The following SAMD12 variants were observed in gnomAD, a reference collection of about 807,000 sequenced individuals.
The protein encoded by SAMD12 is sterile alpha motif domain containing 12.
Under a neutral mutation model 15.0 loss-of-function variants are expected in SAMD12, and 9 were observed. That is an observed-to-expected ratio of 0.60 (90% CI 0.36 to 1.05). SAMD12 has a LOEUF of 1.05. Ranked by LOEUF, SAMD12 falls within the 50% of genes least tolerant of loss-of-function variation. The probability of loss-of-function intolerance (pLI) is 0.01; values close to 1 mark genes in which losing one functional copy is unlikely to be tolerated. For missense variants in SAMD12, 230 were observed against 234.2 expected (o/e 0.98, Z 0.12); for synonymous variants, 86 against 90.1 (o/e 0.96, Z 0.25).
chr8:118,513,249 T>C (rs888591138), intron 2 of SAMD12, among the ~76,000 whole-genome samples: 5 of 152,130 alleles, frequency 3.3e-5, no homozygotes, highest in African/African-American at 1.2e-4. Context: ...CTAAAAGAGA[T>C]TTGAGAAATT....
intron 2 of SAMD12, among the ~76,000 whole-genome samples, chr8:118,572,803 C>T (rs1827052635): frequency 6.6e-6 from 1 of 151,912 alleles, no homozygotes; most frequent in South Asian, 2.1e-4. Flanking sequence ...ACTAATACAC[C>T]AGGTGATATG....
chr8:118,615,716 GT>G (rs1397854745), intron 1 of SAMD12, among the ~76,000 whole-genome samples: 4 of 152,264 alleles, frequency 2.6e-5, no homozygotes, highest in Middle Eastern at 6.8e-3. Flanking sequence ...ACCAGCAAAG[GT>G]TTCCCAGTTT....
At chr8:118,472,238 G>C (rs986572049) in intron 2 of SAMD12, among the ~76,000 whole-genome samples, 4 of 151,302 alleles carry the variant, frequency 2.6e-5, no homozygotes, top group Admixed American at 2.0e-4. Context: ...AGTGAGCCGA[G>C]ATTGTGCCAC....
At chr8:118,266,104 G>A (rs1813192840) in intron 4 of SAMD12, among the ~76,000 whole-genome samples, 1 of 152,106 alleles carries the variant, frequency 6.6e-6, no homozygotes, top group African/African-American at 2.4e-5. Context: ...AGGCAAGACA[G>A]AGTGGTGAGT....
chr8:118,307,292 G>T (rs1815399610), intron 4 of SAMD12, among the ~76,000 whole-genome samples: 1 of 152,230 alleles, frequency 6.6e-6, no homozygotes, highest in African/African-American at 2.4e-5. Context: ...GTTGTTGTGT[G>T]TGAAAATCAT....
At chr8:118,252,121 T>C (rs2130019045) in intron 4 of SAMD12, among the ~76,000 whole-genome samples, 1 of 152,316 alleles carries the variant, frequency 6.6e-6, no homozygotes, top group South Asian at 2.1e-4. Context: ...ATAAGATTTG[T>C]CCTTCTAGAA....
chr8:118,548,419 ACACACC>A (rs1826199217), intron 2 of SAMD12, among the ~76,000 whole-genome samples: 1 of 117,664 alleles, frequency 8.5e-6, no homozygotes, highest in African/African-American at 3.3e-5. Context: ...ACACACACAC[ACACACC>A]CCATGTGATG....
At chr8:118,483,278 C>G (rs1460988292) in intron 2 of SAMD12, among the ~76,000 whole-genome samples, 7 of 152,196 alleles carry the variant, frequency 4.6e-5, no homozygotes, top group Admixed American at 3.9e-4. Flanking sequence ...TAATTCACTA[C>G]ACTTGACATT....
chr8:118,549,959 G>C (rs532251299), intron 2 of SAMD12, among the ~76,000 whole-genome samples: 97 of 152,028 alleles, frequency 6.4e-4, no homozygotes, highest in Middle Eastern at 3.4e-3. Flanking sequence ...GAAATGAAGC[G>C]AGAAGGGAAG....
chr8:118,226,493 T>C (rs1812191041), intron 4 of SAMD12, among the ~76,000 whole-genome samples: 1 of 152,216 alleles, frequency 6.6e-6, no homozygotes, highest in South Asian at 2.1e-4. Context: ...CGTATATTTC[T>C]TTAACACTCA....
chr8:118,466,378 A>G (rs1009819990), intron 2 of SAMD12, among the ~76,000 whole-genome samples: 3 of 152,202 alleles, frequency 2.0e-5, no homozygotes, highest in African/African-American at 7.2e-5. Context: ...CCACAACTCT[A>G]TGAAATAAAT....
intron 2 of SAMD12, among the ~76,000 whole-genome samples, chr8:118,553,822 A>C (rs1425358604): frequency 1.3e-5 from 2 of 149,080 alleles, no homozygotes; most frequent in African/African-American, 5.0e-5. Flanking sequence ...CAATGAACTC[A>C]AACAAATTTA....
chr8:118,569,861 A>G (rs181924335), intron 2 of SAMD12, among the ~76,000 whole-genome samples: 29 of 152,360 alleles, frequency 1.9e-4, no homozygotes, highest in African/African-American at 6.7e-4. Flanking sequence ...GAGGCTGACT[A>G]ATACAGCATA....
chr8:118,585,141 A>G (rs2460960), intron 1 of SAMD12, among the ~76,000 whole-genome samples: 102,850 of 152,136 alleles, frequency 0.68, 35,413 homozygotes, highest in Middle Eastern at 0.75. Context: ...TCTCATCCAT[A>G]CTACAACATG....
At chr8:118,382,970 T>C (rs1819751721) in intron 3 of SAMD12, among the ~76,000 whole-genome samples, 1 of 152,204 alleles carries the variant, frequency 6.6e-6, no homozygotes, top group Admixed American at 6.5e-5. Flanking sequence ...ATTTTTGTAA[T>C]AATTAAATTA....
chr8:118,548,104 A>T (rs1826183996), intron 2 of SAMD12, among the ~76,000 whole-genome samples: 1 of 152,198 alleles, frequency 6.6e-6, no homozygotes, highest in Non-Finnish European at 1.5e-5. Context: ...GAGAGAATAG[A>T]CAAAGAATGA....
At chr8:118,356,513 G>T (rs1818232765) in intron 4 of SAMD12, among the ~76,000 whole-genome samples, 1 of 152,090 alleles carries the variant, frequency 6.6e-6, no homozygotes, top group African/African-American at 2.4e-5. Flanking sequence ...AGCACCCACA[G>T]GATACTTTGA....
intron 3 of SAMD12, among the ~76,000 whole-genome samples, chr8:118,392,336 C>G (rs1411702187): frequency 2.0e-5 from 3 of 152,220 alleles, no homozygotes; most frequent in Non-Finnish European, 4.4e-5. Flanking sequence ...GAGGCCGAGG[C>G]AGGAGAATCA....
the SAMD12 span, among the ~76,000 whole-genome samples, chr8:118,154,163 TAC>T: frequency 2.8e-5 from 2 of 70,764 alleles, no homozygotes; most frequent in African/African-American, 3.8e-5. Flanking sequence ...CACACACACA[TAC>T]ACACACATAC....
Sources: allele counts gnomAD v4.1 joint callset (sites outside exome capture counted in the v4.1 genomes callset), GRCh38; gene constraint gnomAD v4.1.1; transcripts MANE v1.5; gene names NCBI Gene and HGNC (gene_info 2026-07-23, HGNC 2026-07-21).